The following MACROD2 variants were observed in gnomAD, a reference collection of about 807,000 sequenced individuals.
MACROD2 encodes mono-ADP ribosylhydrolase 2, also known as ADP-ribose glycohydrolase MACROD2.
Under a neutral mutation model 70.4 loss-of-function variants are expected in MACROD2, and 36 were observed. That is an observed-to-expected ratio of 0.51 (90% CI 0.39 to 0.68). The LOEUF is 0.68. MACROD2 is among the 30% of genes least tolerant of loss of function. MACROD2 has a pLI of 0.00. For missense variants in MACROD2, 496 were observed against 538.4 expected, an observed-to-expected ratio of 0.92 and a Z score of 0.78; for synonymous variants, 172 against 178.8, an observed-to-expected ratio of 0.96 and a Z score of 0.30.
intron 5 of MACROD2, among the ~76,000 whole-genome samples, chr20:14,943,085 C>T (rs375331288): frequency 1.3e-5 from 2 of 152,304 alleles, no homozygotes; most frequent in African/African-American, 4.8e-5. Flanking sequence ...AAACCTTTTG[C>T]ATGCTAATCA....
At chr20:14,189,934 A>C (rs1359391574) in intron 3 of MACROD2, among the ~76,000 whole-genome samples, 1 of 152,220 alleles carries the variant, frequency 6.6e-6, no homozygotes, top group Non-Finnish European at 1.5e-5. Flanking sequence ...TATTAACTGG[A>C]AATTGAACAT....
intron 3 of MACROD2, among the ~76,000 whole-genome samples, chr20:14,167,559 C>T (rs2055285896): frequency 6.9e-6 from 1 of 145,274 alleles, no homozygotes; most frequent in South Asian, 2.2e-4. Flanking sequence ...AATTTTTGTG[C>T]TTTTTTTTTT....
At chr20:14,542,365 G>A (rs1196083463) in intron 4 of MACROD2, among the ~76,000 whole-genome samples, 1 of 152,098 alleles carries the variant, frequency 6.6e-6, no homozygotes, top group Non-Finnish European at 1.5e-5. Context: ...TATGTTCTTT[G>A]TTGCACTTTA....
intron 5 of MACROD2, among the ~76,000 whole-genome samples, chr20:14,774,256 T>C (rs1895189936): frequency 6.6e-6 from 1 of 152,038 alleles, no homozygotes; most frequent in South Asian, 2.1e-4. Flanking sequence ...TAGGTCATAC[T>C]TGTCAATAAA....
chr20:15,513,583 C>A lies in MACROD2; in HGVS notation c.645+13736C>A, dbSNP rs77239432. 2.0e-5 allele frequency among the ~76,000 whole-genome samples: 3 copies of A among 152,040 alleles called. No homozygotes were observed. In the East Asian group the frequency reaches 5.8e-4, roughly 29 times the overall value. ...CTCTGCGTGTGTGTGTGTGCGTGCA[C>A]GTGTGTGAGACATTGACAAGAGAAA... On this transcript the variant is annotated intron_variant, in intron 8 of 17. Coordinates refer to ENST00000684519, the MANE Select transcript of MACROD2 (RefSeq NM_001351661.2).
chr20:14,198,052 T>A (rs2081447889), intron 3 of MACROD2, among the ~76,000 whole-genome samples: 1 of 151,968 alleles, frequency 6.6e-6, no homozygotes, highest in Non-Finnish European at 1.5e-5. Context: ...TGCTGAGTGG[T>A]GATTTGGGGC....
At chr20:14,360,525 GTGGGAGATGTC>G (rs1321326017) in intron 3 of MACROD2, among the ~76,000 whole-genome samples, 1 of 152,176 alleles carries the variant, frequency 6.6e-6, no homozygotes, top group East Asian at 1.9e-4. Context: ...GGTTTGGAAT[GTGGGAGATGTC>G]TGACCTGCAC....
intron 3 of MACROD2, among the ~76,000 whole-genome samples, chr20:14,391,548 A>G (rs889851557): frequency 3.3e-5 from 5 of 152,002 alleles, no homozygotes; most frequent in African/African-American, 1.2e-4. Flanking sequence ...TGATGAAATA[A>G]TCTGTACAAC....
intron 8 of MACROD2, among the ~76,000 whole-genome samples, chr20:15,855,538 T>C (rs915598617): frequency 2.0e-5 from 3 of 152,146 alleles, no homozygotes; most frequent in Non-Finnish European, 2.9e-5. Context: ...AAAATTCTTA[T>C]TGAAGTATAA....
chr20:14,550,165 C>T (rs144765584), intron 4 of MACROD2, among the ~76,000 whole-genome samples: 4 of 151,996 alleles, frequency 2.6e-5, no homozygotes, highest in South Asian at 2.1e-4. Context: ...TCAGGTGATC[C>T]GCCTGCCTCG....
chr20:15,898,922 A>G (rs746013567), intron 10 of MACROD2, among the ~76,000 whole-genome samples: 1 of 151,914 alleles, frequency 6.6e-6, no homozygotes, highest in East Asian at 1.9e-4. Context: ...ACACACATAT[A>G]GTATGTATAT....
At chr20:14,136,548 C>T (rs2054800700) in intron 3 of MACROD2, among the ~76,000 whole-genome samples, 1 of 152,036 alleles carries the variant, frequency 6.6e-6, no homozygotes, top group Admixed American at 6.6e-5. Flanking sequence ...AAGTACGGTG[C>T]CTGGACCAGC....
intron 3 of MACROD2, among the ~76,000 whole-genome samples, chr20:14,273,695 T>A (rs557237150): frequency 0.015 from 2,306 of 151,932 alleles, 24 homozygotes; most frequent in African/African-American, 0.027. Context: ...AAAAAATTAA[T>A]GAATTCAGGA....
In MACROD2 at chr20:14,854,947, C is replaced by T. The variant is rs185532729; in HGVS notation, c.418+169988C>T. On this transcript the variant is annotated intron_variant, in intron 5 of 17. Coordinates refer to ENST00000684519, the MANE Select transcript of MACROD2 (RefSeq NM_001351661.2). ...AGGAGAATGGCGTGAACCCGGCAGA[C>T]GGAGCTTGCAGTGAGCCGAGATCGC... Among the ~76,000 whole-genome samples, 631 of 151,982 alleles carry T rather than the reference C, an allele frequency of 4.2e-3. 5 individuals carry two copies. The highest frequency in any genetic ancestry group is 0.014 in the African/African-American group (580 of 41,436).
intron 4 of MACROD2, among the ~76,000 whole-genome samples, chr20:14,671,328 G>C (rs756160): frequency 0.2 from 29,811 of 152,100 alleles, 4,371 homozygotes; most frequent in African/African-American, 0.39. Flanking sequence ...GGATTTTAAT[G>C]AGCTTGACTT....
At chr20:15,822,246 C>T (rs977656344) in intron 8 of MACROD2, among the ~76,000 whole-genome samples, 4 of 152,068 alleles carry the variant, frequency 2.6e-5, no homozygotes, top group African/African-American at 9.7e-5. Flanking sequence ...ATTCTTGTAC[C>T]TTTGTGGCGT....
intron 3 of MACROD2, among the ~76,000 whole-genome samples, chr20:14,258,376 G>A (rs1275471998): frequency 2.2e-5 from 3 of 137,500 alleles, no homozygotes; most frequent in African/African-American, 8.9e-5. Context: ...CCACATCCTT[G>A]CCAACATCTA....
At chr20:14,293,952 A>C (rs1362480649) in intron 3 of MACROD2, among the ~76,000 whole-genome samples, 2 of 151,844 alleles carry the variant, frequency 1.3e-5, no homozygotes, top group Non-Finnish European at 2.9e-5. Flanking sequence ...AAAAATGGTG[A>C]ATGAATATTA....
At chr20:14,225,035 T>C (rs1344206855) in intron 3 of MACROD2, among the ~76,000 whole-genome samples, 1 of 152,206 alleles carries the variant, frequency 6.6e-6, no homozygotes, top group Non-Finnish European at 1.5e-5. Context: ...ATCTGCCTGT[T>C]TGGGGGAAGT....
Sources: gnomAD v4.1 joint callset for allele counts (sites outside exome capture counted in the v4.1 genomes callset) on GRCh38, gnomAD v4.1.1 for gene constraint, MANE v1.5 for transcripts, NCBI Gene and HGNC (gene_info 2026-07-23, HGNC 2026-07-21) for gene names.